PCDH11X: variants seen among roughly 807,000 people sequenced by gnomAD.
The protein encoded by PCDH11X is protocadherin-11 X-linked.
In PCDH11X, 18 loss-of-function variants were observed where a neutral mutation model predicts 53.3. The ratio of observed to expected loss-of-function variants is 0.34; its 90% CI spans 0.23 to 0.50. The LOEUF is 0.50. Ranked by LOEUF, PCDH11X falls within the 20% of genes least tolerant of loss-of-function variation. PCDH11X has a pLI of 0.98. For missense variants in PCDH11X, 570 were observed against 1,032.4 expected, an observed-to-expected ratio of 0.55 and a Z score of 6.14; for synonymous variants, 279 against 393.3, an observed-to-expected ratio of 0.71 and a Z score of 3.44.
chrX:92,471,579 C>T (rs984117242), intron 10 of PCDH11X, among the ~76,000 whole-genome samples: 5 of 111,376 alleles, frequency 4.5e-5, no homozygotes, highest in Admixed American at 1.9e-4. Flanking sequence ...CATATGCATG[C>T]GTGTGTCTTT....
chrX:92,078,738 A>G (rs1286308882), intron 6 of PCDH11X, among the ~76,000 whole-genome samples: 2 of 111,193 alleles, frequency 1.8e-5, no homozygotes, highest in African/African-American at 6.5e-5. Context: ...TTTCAAGGTC[A>G]GTGAAAATGA....
At chrX:91,793,158 T>C (rs1186204378) in intron 1 of PCDH11X, among the ~76,000 whole-genome samples, 5 of 107,671 alleles carry the variant, frequency 4.6e-5, no homozygotes, top group Non-Finnish European at 7.7e-5. Context: ...GAAACAGGTA[T>C]TGCATATATT....
chrX:91,857,807 C>T (rs1938436243), intron 5 of PCDH11X, among the ~76,000 whole-genome samples: 2 of 112,062 alleles, frequency 1.8e-5, no homozygotes, highest in South Asian at 7.5e-4. Context: ...CCTCTCCTGG[C>T]TGATTTCATA....
intron 6 of PCDH11X, among the ~76,000 whole-genome samples, chrX:92,124,106 G>A (rs35359690): frequency 2.7e-5 from 3 of 111,617 alleles, no homozygotes; most frequent in South Asian, 7.4e-4. Flanking sequence ...TGTCTATAAC[G>A]CTACTATCTA....
chrX:92,416,402 A>G (rs989360562), intron 9 of PCDH11X, among the ~76,000 whole-genome samples: 1 of 111,079 alleles, frequency 9.0e-6, no homozygotes, highest in African/African-American at 3.3e-5. Context: ...TTCACATTGC[A>G]TGCCTGTATA....
chrX:91,856,641 C>A (rs1028150226), intron 5 of PCDH11X, among the ~76,000 whole-genome samples: 1 of 110,190 alleles, frequency 9.1e-6, no homozygotes. Context: ...GTGGTGTTCC[C>A]CTCCCTGTGT....
At chrX:92,230,135 T>C (rs1424351816) in intron 7 of PCDH11X, among the ~76,000 whole-genome samples, 1 of 109,676 alleles carries the variant, frequency 9.1e-6, no homozygotes, top group African/African-American at 3.3e-5. Context: ...TCCATCTTTG[T>C]ATGGCAAAAA....
chrX:92,578,960 G>A (rs1031773912), intron 10 of PCDH11X, among the ~76,000 whole-genome samples: 2 of 111,218 alleles, frequency 1.8e-5, no homozygotes, highest in African/African-American at 3.3e-5. Context: ...AATTCCCTCA[G>A]CAATTGCTTG....
intron 6 of PCDH11X, among the ~76,000 whole-genome samples, chrX:92,189,715 C>T (rs541450318): frequency 2.9e-4 from 33 of 111,916 alleles, no homozygotes; most frequent in African/African-American, 8.1e-4. Context: ...TGTGCAACCT[C>T]GCCAGCATCT....
chrX:92,471,954 GT>G (rs766215847), intron 10 of PCDH11X, among the ~76,000 whole-genome samples: 1 of 110,150 alleles, frequency 9.1e-6, no homozygotes, highest in South Asian at 3.8e-4. Context: ...TAATGGAGTT[GT>G]TTTTTTTCTT....
rs1941534436 is a variant in PCDH11X at position 91,915,676 on chromosome X, A to G, written c.3033+36403A>G. 2.7e-5 allele frequency among the ~76,000 whole-genome samples: 3 copies of G among 111,522 alleles called. No individual in the cohort carries two copies. In the Admixed American group the frequency reaches 2.9e-4, roughly 11 times the overall value. On this transcript the variant is annotated intron_variant, in intron 6 of 10. Coordinates refer to ENST00000682573, the MANE Select transcript of PCDH11X (RefSeq NM_032968.5). ...ATACGCACCTAACGCTGGAATTTTC[A>G]AATTTATAAAACAATTACTACTAGA...
chrX:92,244,783 T>C (rs920037463), intron 7 of PCDH11X, among the ~76,000 whole-genome samples: 4 of 111,797 alleles, frequency 3.6e-5, no homozygotes, highest in African/African-American at 1.3e-4. Flanking sequence ...AGAGAGGCAG[T>C]CTGCTCCCAG....
intron 6 of PCDH11X, among the ~76,000 whole-genome samples, chrX:92,062,356 A>G (rs1230894240): frequency 9.0e-6 from 1 of 111,314 alleles, no homozygotes; most frequent in Non-Finnish European, 1.9e-5. Flanking sequence ...GACTTCCAGT[A>G]CTATGTTCAA....
intron 10 of PCDH11X, among the ~76,000 whole-genome samples, chrX:92,523,407 G>C (rs1173631803): frequency 8.9e-6 from 1 of 112,061 alleles, no homozygotes; most frequent in Non-Finnish European, 1.9e-5. Flanking sequence ...TAAGGTGTTA[G>C]AGAGCTGTGA....
chrX:92,296,082 CAA>C (rs35158475), intron 8 of PCDH11X, among the ~76,000 whole-genome samples: 2 of 93,354 alleles, frequency 2.1e-5, no homozygotes. Context: ...AACTCTGTCT[CAA>C]AAAAAAAAAA....
chrX:91,990,530 A>T (rs778352089), intron 6 of PCDH11X, among the ~76,000 whole-genome samples: 4 of 111,672 alleles, frequency 3.6e-5, no homozygotes, highest in African/African-American at 1.3e-4. Context: ...GTGATTTTCA[A>T]TTGAAATCTG....
intron 6 of PCDH11X, among the ~76,000 whole-genome samples, chrX:92,197,641 A>G (rs909308949): frequency 9.0e-5 from 10 of 111,463 alleles, no homozygotes; most frequent in African/African-American, 3.3e-4. Context: ...GTTGCATAGG[A>G]CTCTCCAAAA....
intron 6 of PCDH11X, among the ~76,000 whole-genome samples, chrX:91,947,405 A>C (rs1362032964): frequency 2.0e-5 from 2 of 101,781 alleles, no homozygotes; most frequent in Non-Finnish European, 4.0e-5. Context: ...TGTGTTTTGC[A>C]TACATACACT....
chrX:92,218,442 TC>T (rs1213813743), intron 7 of PCDH11X, among the ~76,000 whole-genome samples: 2 of 110,757 alleles, frequency 1.8e-5, no homozygotes, highest in Non-Finnish European at 3.8e-5. Flanking sequence ...AACTAGAAAA[TC>T]TAGAAGAAAT....
Sources: allele counts gnomAD v4.1 joint callset (sites outside exome capture counted in the v4.1 genomes callset), GRCh38; gene constraint gnomAD v4.1.1; transcripts MANE v1.5; gene names NCBI Gene and HGNC (gene_info 2026-07-23, HGNC 2026-07-21).